Variants in ADGB observed in about 807,000 individuals in gnomAD.
ADGB encodes androglobin.
ADGB carries 172 observed loss-of-function variants against 210.5 expected under a neutral mutation model. That is an observed-to-expected ratio of 0.82 (90% CI 0.72 to 0.93). ADGB has a LOEUF of 0.93. Among genes scored for constraint, ADGB ranks in the 40% least tolerant of loss-of-function variants. The probability of loss-of-function intolerance (pLI) is 0.00; values close to 1 mark genes in which losing one functional copy is unlikely to be tolerated. For missense variants in ADGB, 2,025 were observed against 1,964.8 expected (o/e 1.03, Z -0.58); for synonymous variants, 658 against 662.7 (o/e 0.99, Z 0.11).
intron 1 of ADGB, among the ~76,000 whole-genome samples, chr6:146,623,836 A>G (rs181724554): frequency 1.3e-5 from 2 of 151,966 alleles, no homozygotes; most frequent in African/African-American, 4.8e-5. Context: ...TATTTAGATG[A>G]TCATAATTTT....
At chr6:146,752,758 A>G in intron 27 of ADGB, 44 bp downstream of exon 27, 2 of 1,434,660 alleles carry the variant, frequency 1.4e-6, no homozygotes, top group Non-Finnish European at 1.8e-6. Context: ...TCATAAATGG[A>G]TATTTATGTT....
intron 2 of ADGB, among the ~76,000 whole-genome samples, chr6:146,641,499 G>A (rs9390407): frequency 0.35 from 52,221 of 150,718 alleles, 9,190 homozygotes; most frequent in Admixed American, 0.42. Context: ...ACTTCAAACT[G>A]TACTATTGTA....
intron 12 of ADGB, among the ~76,000 whole-genome samples, chr6:146,694,597 T>C (rs1776379484): frequency 6.6e-6 from 1 of 152,210 alleles, no homozygotes; most frequent in South Asian, 2.1e-4. Flanking sequence ...TGTTGATGTG[T>C]TTTGTAAATT....
intron 10 of ADGB, among the ~76,000 whole-genome samples, chr6:146,686,106 C>A (rs1583589592): frequency 6.6e-6 from 1 of 151,960 alleles, no homozygotes; most frequent in Admixed American, 6.6e-5. Flanking sequence ...CTGTTATAAT[C>A]AAAAAGAAAG....
At chr6:146,730,293 C>T (rs1265091574) in intron 20 of ADGB, among the ~76,000 whole-genome samples, 2 of 152,134 alleles carry the variant, frequency 1.3e-5, no homozygotes, top group Non-Finnish European at 2.9e-5. Context: ...AAACAATTTA[C>T]TGTTGAATGA....
chr6:146,657,251 G>C (rs768630400), intron 5 of ADGB, among the ~76,000 whole-genome samples: 1 of 151,564 alleles, frequency 6.6e-6, no homozygotes, highest in Non-Finnish European at 1.5e-5. Flanking sequence ...GCTTGAACCC[G>C]GGAGGCAGAG....
intron 23 of ADGB, among the ~76,000 whole-genome samples, chr6:146,738,429 C>T (rs1777110336): frequency 6.9e-6 from 1 of 145,162 alleles, no homozygotes; most frequent in African/African-American, 2.6e-5. Context: ...CATTCGAATC[C>T]CATTTCATCT....
At chr6:146,708,398 C>T (rs1199029125) in intron 13 of ADGB, among the ~76,000 whole-genome samples, 1 of 152,054 alleles carries the variant, frequency 6.6e-6, no homozygotes, top group Non-Finnish European at 1.5e-5. Context: ...TCTCATAAAA[C>T]AGATCTTGTG....
chr6:146,612,326 A>G (rs1488797702), intron 1 of ADGB, among the ~76,000 whole-genome samples: 1 of 152,194 alleles, frequency 6.6e-6, no homozygotes, highest in African/African-American at 2.4e-5. Flanking sequence ...GGACAAATAT[A>G]TCTGGATGTG....
In ADGB at chr6:146,664,329, G is replaced by A; in HGVS notation, c.741G>A (p.Leu247=). Reference sequence around the variant, plus strand: ...TTTTGTCTAAAGCTATTATCAAGCTGGCAAATATTGAGTATGTAATGACAC... The same window carrying A: ...TTTTGTCTAAAGCTATTATCAAGCTAGCAAATATTGAGTATGTAATGACAC... ...PMLLSKAIIK[L]ANIDIHVADR... Residue 247 remains leucine, a synonymous_variant, in exon 6 of 36, where the codon CTG becomes CTA. Transcript: ENST00000397944. The A allele has an allele frequency of 6.5e-7, 1 of 1,546,392 alleles. No homozygotes were observed. The highest frequency in any genetic ancestry group is 1.4e-5 in the African/African-American group (1 of 72,842).
chr6:146,713,740 CTTTTT>C (rs374371945), intron 13 of ADGB, among the ~76,000 whole-genome samples: 1 of 150,828 alleles, frequency 6.6e-6, no homozygotes, highest in African/African-American at 2.4e-5. Context: ...CAGAAGTTTT[CTTTTT>C]TTTTATTTTG....
chr6:146,607,156 G>A (rs1253469228), intron 1 of ADGB, among the ~76,000 whole-genome samples: 1 of 152,012 alleles, frequency 6.6e-6, no homozygotes, highest in Non-Finnish European at 1.5e-5. Context: ...TTCTTTTGTG[G>A]CTACTGTGAA....
At chr6:146,630,218 C>T (rs900607862) in intron 1 of ADGB, among the ~76,000 whole-genome samples, 1 of 151,828 alleles carries the variant, frequency 6.6e-6, no homozygotes, top group Non-Finnish European at 1.5e-5. Flanking sequence ...GCCTGGGTGA[C>T]AAGAGTGAAA....
intron 27 of ADGB, among the ~76,000 whole-genome samples, chr6:146,759,776 A>G (rs1180165413): frequency 6.6e-6 from 1 of 151,708 alleles, no homozygotes; most frequent in Non-Finnish European, 1.5e-5. Context: ...TCCTTTATCC[A>G]TGCTCCCCTG....
intron 1 of ADGB, among the ~76,000 whole-genome samples, chr6:146,618,152 A>T (rs995523422): frequency 1.3e-5 from 2 of 152,028 alleles, no homozygotes; most frequent in African/African-American, 4.8e-5. Context: ...TCTCCATCAT[A>T]ACACCAATTT....
intron 35 of ADGB, among the ~76,000 whole-genome samples, chr6:146,810,285 TATC>T (rs139604048): frequency 1.3e-3 from 203 of 152,114 alleles, no homozygotes; most frequent in Admixed American, 3.7e-3. Context: ...AGATGGCTTT[TATC>T]ATAAAGACAA....
chr6:146,691,434 A>ATATATT, intron 11 of ADGB, 144 bp downstream of exon 11: 1 of 34,902 alleles, frequency 2.9e-5, no homozygotes, highest in Non-Finnish European at 4.4e-5. Context: ...ATATATATAT[A>ATATATT]TATATATAAA....
rs1776313487 is a variant in ADGB at position 146,691,438 on chromosome 6, A to ATT, written c.1486+149_1486+150insTT. 2.9e-3 allele frequency: 97 copies of ATT among 33,464 alleles called. 2 individuals carry two copies. Among genetic ancestry groups the ATT allele is most frequent in the Non-Finnish European group, 3.4e-3 (75 of 22,294 alleles). 2.1% of individuals were successfully genotyped at this position (33,464 alleles called of 1,614,324 possible). ...TATATATATATATATATATATATAT[A>ATT]TATAAAAATATATATATATAAAAAT... On this transcript the variant is annotated intron_variant, in intron 11 of 35. Coordinates refer to ENST00000397944, the MANE Select transcript of ADGB (RefSeq NM_024694.4).
At chr6:146,635,789 A>AT (rs2114859348) in intron 2 of ADGB, among the ~76,000 whole-genome samples, 1 of 152,236 alleles carries the variant, frequency 6.6e-6, no homozygotes, top group African/African-American at 2.4e-5. Context: ...AATGATATAA[A>AT]GGAAAAATTA....
Sources: gnomAD v4.1 joint callset for allele counts (sites outside exome capture counted in the v4.1 genomes callset) on GRCh38, gnomAD v4.1.1 for gene constraint, MANE v1.5 for transcripts, NCBI Gene and HGNC (gene_info 2026-07-23, HGNC 2026-07-21) for gene names.